Variants in KIF1B observed in about 807,000 individuals in gnomAD.
The protein encoded by KIF1B is kinesin family member 1B, also known as kinesin-like protein KIF1B.
Under a neutral mutation model 241.9 loss-of-function variants are expected in KIF1B, and 76 were observed. The observed-to-expected ratio is 0.31, with a 90% CI of 0.26 to 0.38. KIF1B has a LOEUF of 0.38. Ranked by LOEUF, KIF1B falls within the 10% of genes least tolerant of loss-of-function variation. KIF1B has a pLI of 1.00. For synonymous variants in KIF1B, 750 were observed against 796.7 expected (o/e 0.94, Z 0.99); for missense variants, 1,622 against 2,271.4 (o/e 0.71, Z 5.81).
chr1:10,212,439 A>G (rs1023986268), intron 1 of KIF1B, among the ~76,000 whole-genome samples: 11 of 152,228 alleles, frequency 7.2e-5, no homozygotes, highest in Admixed American at 2.0e-4. Flanking sequence ...TGGGTTCAGC[A>G]TGAGTCTGTA....
At chr1:10,355,193 G>T (rs1021955040) in intron 38 of KIF1B, among the ~76,000 whole-genome samples, 1 of 152,176 alleles carries the variant, frequency 6.6e-6, no homozygotes. Context: ...CCATGTTATT[G>T]TAAGTCCTCT....
intron 1 of KIF1B, among the ~76,000 whole-genome samples, chr1:10,212,922 AT>A: frequency 8.2e-6 from 1 of 122,692 alleles, no homozygotes; most frequent in South Asian, 2.4e-4. Flanking sequence ...ATATATATAT[AT>A]ATATATATAC....
chr1:10,304,773 T>C (rs1212873682), intron 22 of KIF1B: 3 of 1,535,692 alleles, frequency 2.0e-6, no homozygotes, highest in East Asian at 4.9e-5. Flanking sequence ...ACTGGTTTTA[T>C]ATTGTTAAGA....
Position 10,321,691 on chromosome 1 carries a change from C to T in KIF1B, c.2210-18C>T, listed in dbSNP as rs761372189. 8.1e-6 allele frequency: 13 copies of T among 1,612,804 alleles called. No homozygotes were observed. Among genetic ancestry groups the T allele is most frequent in the Non-Finnish European group, 9.3e-6 (11 of 1,178,756 alleles). On this transcript the variant is annotated intron_variant, in intron 23 of 48. Transcript: ENST00000676179. ...AGTTGTAAGATTGCCATTAAATATGCATCATTCATTCTTTCAGTTCCTTGG... is the reference window on the plus strand; with the variant it reads ...AGTTGTAAGATTGCCATTAAATATGTATCATTCATTCTTTCAGTTCCTTGG...
At chr1:10,325,196 C>T (rs979663201) in intron 26 of KIF1B, among the ~76,000 whole-genome samples, 2 of 152,176 alleles carry the variant, frequency 1.3e-5, no homozygotes, top group African/African-American at 2.4e-5. Flanking sequence ...AGAAAACTTA[C>T]GCCTGTATCC....
chr1:10,271,609 T>C (rs778660589), intron 8 of KIF1B, 30 bp downstream of exon 8: 4 of 1,418,514 alleles, frequency 2.8e-6, no homozygotes, highest in Non-Finnish European at 3.0e-6. Context: ...AATGGCCTGA[T>C]CAATAAATGG....
intron 1 of KIF1B, among the ~76,000 whole-genome samples, chr1:10,219,806 A>G (rs1056944617): frequency 3.4e-5 from 5 of 148,542 alleles, no homozygotes; most frequent in Non-Finnish European, 7.5e-5. Context: ...AGTGGCTCAC[A>G]CCTGTAATCC....
intron 10 of KIF1B, among the ~76,000 whole-genome samples, chr1:10,273,706 C>G (rs1348780736): frequency 9.4e-6 from 1 of 105,988 alleles, no homozygotes; most frequent in Admixed American, 1.0e-4. Flanking sequence ...TCCTCCTCCT[C>G]CTCAAAAAAA....
At chr1:10,263,003 T>C (rs1648232250) in intron 5 of KIF1B, among the ~76,000 whole-genome samples, 1 of 152,134 alleles carries the variant, frequency 6.6e-6, no homozygotes, top group Admixed American at 6.6e-5. Context: ...TGTATGTGCT[T>C]AAAGAAGCTG....
chr1:10,370,994 T>C (rs1638717224), intron 44 of KIF1B, 147 bp from the exon 45 acceptor site: 1 of 913,610 alleles, frequency 1.1e-6, no homozygotes, highest in Non-Finnish European at 1.7e-6. Flanking sequence ...TATTTATTGA[T>C]AAATTATGTA....
At chr1:10,238,736 CAAA>C (rs747588155) in intron 2 of KIF1B, among the ~76,000 whole-genome samples, 261 of 145,692 alleles carry the variant, frequency 1.8e-3, no homozygotes, top group Non-Finnish European at 3.2e-3. Context: ...ACAACAACAA[CAAA>C]AAACACCAAA....
At chr1:10,233,486 A>T (rs548610011) in intron 2 of KIF1B, among the ~76,000 whole-genome samples, 2 of 152,110 alleles carry the variant, frequency 1.3e-5, no homozygotes, top group African/African-American at 2.4e-5. Flanking sequence ...CTTCAAAAAA[A>T]GGGTCTGTTT....
intron 2 of KIF1B, among the ~76,000 whole-genome samples, chr1:10,248,009 G>A (rs1647258675): frequency 6.6e-6 from 1 of 152,196 alleles, no homozygotes. Context: ...ATGCTCGCCT[G>A]TTGCTCACCT....
intron 25 of KIF1B, 125 bp from the exon 26 acceptor site, chr1:10,324,633 T>C: frequency 8.7e-7 from 1 of 1,150,788 alleles, no homozygotes; most frequent in Non-Finnish European, 1.3e-6. Context: ...TTTAGTAACA[T>C]TAAACAGTGG....
At chr1:10,310,117 C>G (rs1377661930) in intron 22 of KIF1B, among the ~76,000 whole-genome samples, 6 of 151,586 alleles carry the variant, frequency 4.0e-5, no homozygotes, top group Non-Finnish European at 8.8e-5. Flanking sequence ...AATGTAAACT[C>G]ACCTAGAATA....
chr1:10,348,718 C>T lies in KIF1B; in HGVS notation c.3934C>T (p.Arg1312Cys), dbSNP rs760647155. 1.1e-5 allele frequency: 18 copies of T among 1,613,356 alleles called. No homozygotes were observed. Among genetic ancestry groups the T allele is most frequent in the Non-Finnish European group, 1.4e-5 (17 of 1,179,550 alleles). The change falls in exon 37 of 49, where the codon CGT becomes TGT. Residue 1312 changes from arginine (R) to cysteine (C), a missense_variant. Transcript: ENST00000676179. ...GAGCGAGCTCCATTGGAAAGATGTT[C>T]GTGAACTGGTGGTAGGTGAGTACGT... The part of the protein sequence containing the change: ...KGSELHWKDV[R>C]ELVVGRIRNK...
At chr1:10,283,123 C>T (rs936672936) in intron 15 of KIF1B, among the ~76,000 whole-genome samples, 1 of 142,850 alleles carries the variant, frequency 7.0e-6, no homozygotes, top group African/African-American at 2.6e-5. Flanking sequence ...AGGAGAATGG[C>T]ATGAACCCAG....
Position 10,373,203 on chromosome 1 carries a change from C to T in KIF1B, c.4947-1113C>T, listed in dbSNP as rs563068087. 2.0e-5 allele frequency among the ~76,000 whole-genome samples: 3 copies of T among 152,036 alleles called. No homozygotes were observed. The South Asian group carries it at 6.2e-4, about 32-fold the overall frequency. On this transcript the variant is annotated intron_variant, in intron 45 of 48. Coordinates refer to ENST00000676179, the MANE Select transcript of KIF1B (RefSeq NM_001365951.3). The stretch of plus-strand genomic sequence containing the variant: ...CTTGGTCTCCTGACCTCATGATCTG[C>T]CAGCCTCAGCCTCCCAAAGTGCTGG...
At chr1:10,297,810 G>A (rs115643548) in intron 22 of KIF1B, among the ~76,000 whole-genome samples, 2,854 of 152,164 alleles carry the variant, frequency 0.019, 41 homozygotes, top group Non-Finnish European at 0.028. Context: ...GGTTCTCAGT[G>A]GCATGTGTGG....
Sources: gnomAD v4.1 joint callset for allele counts (sites outside exome capture counted in the v4.1 genomes callset) on GRCh38, gnomAD v4.1.1 for gene constraint, MANE v1.5 for transcripts, NCBI Gene and HGNC (gene_info 2026-07-23, HGNC 2026-07-21) for gene names.